Variants in BBX observed in about 807,000 individuals in gnomAD.
The protein encoded by BBX is BBX high mobility group box domain containing, also known as HMG box transcription factor BBX.
A neutral mutation model predicts 100.2 loss-of-function variants in BBX; 30 were observed. The observed-to-expected ratio is 0.30, with a 90% CI of 0.22 to 0.41. The LOEUF is 0.41. Among genes scored for constraint, BBX ranks in the 10% least tolerant of loss-of-function variants. BBX has a pLI of 1.00. For missense variants in BBX, 1,023 were observed against 1,129.8 expected (o/e 0.91, Z 1.35); for synonymous variants, 376 against 388.1 (o/e 0.97, Z 0.37).
chr3:107,666,084 C>T (rs1404596697), intron 3 of BBX, among the ~76,000 whole-genome samples: 1 of 152,154 alleles, frequency 6.6e-6, no homozygotes, highest in Non-Finnish European at 1.5e-5. Context: ...CTAATATTTC[C>T]TAAATGTGTT....
chr3:107,628,323 T>A (rs917950011), intron 2 of BBX, among the ~76,000 whole-genome samples: 4 of 152,008 alleles, frequency 2.6e-5, no homozygotes, highest in Non-Finnish European at 4.4e-5. Context: ...TGATTATAAA[T>A]GAAAATTGTG....
At chr3:107,648,320 A>G (rs1484251407) in intron 3 of BBX, among the ~76,000 whole-genome samples, 2 of 152,162 alleles carry the variant, frequency 1.3e-5, no homozygotes, top group Admixed American at 6.5e-5. Flanking sequence ...TCTAATATGT[A>G]TAATAGACTT....
chr3:107,698,274 T>A lies in BBX; in HGVS notation c.-9-12178T>A, dbSNP rs560212480. Among the ~76,000 whole-genome samples, 165 of 151,800 alleles carry A rather than the reference T, an allele frequency of 1.1e-3. 5 individuals carry two copies. Among genetic ancestry groups the A allele is most frequent in the African/African-American group, 3.9e-3 (160 of 41,148 alleles). On this transcript the variant is annotated intron_variant, in intron 3 of 17. Transcript: ENST00000325805. The stretch of plus-strand genomic sequence containing the variant: ...ACGACTAAGTCATATGAAAGAAAAA[T>A]TACCTTTTAAACTTTTACCATTTTA...
chr3:107,557,614 G>T (rs1358471513), intron 2 of BBX, among the ~76,000 whole-genome samples: 1 of 152,188 alleles, frequency 6.6e-6, no homozygotes, highest in Non-Finnish European at 1.5e-5. Flanking sequence ...CTCCACTGAT[G>T]ACCTATTCCC....
chr3:107,801,396 A>G (rs2070456114), intron 17 of BBX, 115 bp downstream of exon 17: 4 of 1,098,008 alleles, frequency 3.6e-6, no homozygotes, highest in South Asian at 3.2e-5. Flanking sequence ...CAAGAGCACT[A>G]TTGGTTATAT....
chr3:107,570,107 T>A (rs1276775291), intron 2 of BBX, among the ~76,000 whole-genome samples: 3 of 152,188 alleles, frequency 2.0e-5, no homozygotes, highest in Admixed American at 2.0e-4. Context: ...TGAAGCAAGA[T>A]CCTGGGGCGG....
intron 3 of BBX, among the ~76,000 whole-genome samples, chr3:107,698,416 G>A (rs1036138245): frequency 1.3e-5 from 2 of 151,642 alleles, no homozygotes; most frequent in Non-Finnish European, 2.9e-5. Flanking sequence ...ACTTTGGGAG[G>A]CTGAAGCGGG....
chr3:107,700,937 A>G (rs1003689199), intron 3 of BBX, among the ~76,000 whole-genome samples: 4 of 151,828 alleles, frequency 2.6e-5, no homozygotes, highest in South Asian at 2.1e-4. Context: ...ATGATTTATA[A>G]TCCTTTGGGT....
chr3:107,709,824 T>C (rs535971537), intron 3 of BBX, among the ~76,000 whole-genome samples: 7 of 152,254 alleles, frequency 4.6e-5, no homozygotes, highest in Non-Finnish European at 7.3e-5. Context: ...AATTTTAGGC[T>C]TCTAAAAGAT....
chr3:107,764,656 A>G (rs1236036384), intron 10 of BBX, among the ~76,000 whole-genome samples: 1 of 152,248 alleles, frequency 6.6e-6, no homozygotes, highest in African/African-American at 2.4e-5. Context: ...CTTACTTTTT[A>G]AAAAGGTTAT....
chr3:107,587,281 A>G (rs1445593091), intron 2 of BBX, among the ~76,000 whole-genome samples: 1 of 145,450 alleles, frequency 6.9e-6, no homozygotes, highest in East Asian at 2.1e-4. Flanking sequence ...TGGGAGGCAG[A>G]GGTTGCAGTG....
intron 15 of BBX, among the ~76,000 whole-genome samples, chr3:107,798,215 G>A (rs191587692): frequency 1.3e-5 from 2 of 152,248 alleles, no homozygotes; most frequent in East Asian, 3.9e-4. Context: ...TAATTTACAA[G>A]AGGACATAAT....
chr3:107,755,803 A>G, intron 10 of BBX, 125 bp downstream of exon 10: 1 of 799,824 alleles, frequency 1.3e-6, no homozygotes, highest in South Asian at 1.9e-5. Flanking sequence ...TCTAATTTTC[A>G]ACAATGAGAG....
intron 2 of BBX, among the ~76,000 whole-genome samples, chr3:107,621,578 C>A (rs1263044378): frequency 6.6e-6 from 1 of 152,272 alleles, no homozygotes; most frequent in East Asian, 1.9e-4. Flanking sequence ...TGGAATGGGT[C>A]TTTCAAAGAC....
rs573810636 is a variant in BBX, at chr3:107,706,863, C to T, written c.-9-3589C>T. Among the ~76,000 whole-genome samples, 3 of 152,008 alleles carry T rather than the reference C, an allele frequency of 2.0e-5. No homozygotes were observed. The East Asian group carries it at 5.8e-4, about 29-fold the overall frequency. On this transcript the variant is annotated intron_variant, in intron 3 of 17. Coordinates refer to ENST00000325805, the MANE Select transcript of BBX (RefSeq NM_001142568.3). ...TGTCTCAAAATTATGCTTTCTTTGC[C>T]CTTGTCTTTCCCACTTTTTTTCATC...
At chr3:107,661,770 T>C (rs1184491834) in intron 3 of BBX, 6 of 583,990 alleles carry the variant, frequency 1.0e-5, no homozygotes. Context: ...TATTTCCATG[T>C]TTCCTCTCTC....
intron 5 of BBX, among the ~76,000 whole-genome samples, chr3:107,720,087 A>G (rs942955457): frequency 2.0e-5 from 3 of 152,004 alleles, no homozygotes; most frequent in Admixed American, 1.3e-4. Flanking sequence ...TGTGCTTAGC[A>G]TATAAAGTAA....
rs149973951 is a variant in BBX, at chr3:107,705,398, A to G, written c.-9-5054A>G. Among the ~76,000 whole-genome samples, 957 of 152,290 alleles carry G rather than the reference A, an allele frequency of 6.3e-3. 10 individuals are homozygous for G. Among genetic ancestry groups the G allele is most frequent in the African/African-American group, 0.022 (908 of 41,552 alleles). On this transcript the variant is annotated intron_variant, in intron 3 of 17. Transcript: ENST00000325805. ...CAGTTCAGTGTATACTAATGTTTTA[A>G]TGATTAAAGTGTAACTGATTGCCTA...
At chr3:107,547,207 A>C (rs1289650911) in intron 2 of BBX, among the ~76,000 whole-genome samples, 1 of 152,152 alleles carries the variant, frequency 6.6e-6, no homozygotes, top group Non-Finnish European at 1.5e-5. Context: ...TGTAGTCGGG[A>C]TGATGGCATA....
Sources: allele counts gnomAD v4.1 joint callset (sites outside exome capture counted in the v4.1 genomes callset), GRCh38; gene constraint gnomAD v4.1.1; transcripts MANE v1.5; gene names NCBI Gene and HGNC (gene_info 2026-07-23, HGNC 2026-07-21).